Variants in BAZ2B observed in about 807,000 individuals in gnomAD.
BAZ2B encodes bromodomain adjacent to zinc finger domain protein 2B.
Under a neutral mutation model 246.0 loss-of-function variants are expected in BAZ2B, and 91 were observed. The observed-to-expected ratio is 0.37, with a 90% confidence interval of 0.31 to 0.44. The LOEUF is 0.44. BAZ2B is among the 20% of genes least tolerant of loss of function. The pLI, the probability that BAZ2B is intolerant of heterozygous loss-of-function variation, is 1.00. For synonymous variants in BAZ2B, 855 were observed against 860.0 expected (o/e 0.99, Z 0.10); for missense variants, 2,332 against 2,533.7 (o/e 0.92, Z 1.71).
chr2:159,511,440 AG>A lies in BAZ2B; in HGVS notation c.-2-32720del, dbSNP rs1479526028. Among the ~76,000 whole-genome samples, 3 of 152,304 alleles carry A rather than the reference AG, an allele frequency of 2.0e-5. No individual in the cohort carries two copies. The East Asian group carries it at 5.8e-4, about 29-fold the overall frequency. On this transcript the variant is annotated intron_variant, in intron 2 of 36. Coordinates refer to ENST00000392783, the MANE Select transcript of BAZ2B (RefSeq NM_013450.4). ...AGGCTGGTCTCAAACTCCTGAACTT[AG>A]GTGATCCACCTGCCTTGGCCACCCA...
At chr2:159,316,553 G>A (rs2062141169), downstream of BAZ2B, among the ~76,000 whole-genome samples, 1 of 151,832 alleles carries the variant, frequency 6.6e-6, no homozygotes, top group Non-Finnish European at 1.5e-5. Flanking sequence ...AGCCGGGCGT[G>A]GTGGAGGATA....
chr2:159,635,045 A>C, the BAZ2B span, among the ~76,000 whole-genome samples: 1 of 152,218 alleles, frequency 6.6e-6, no homozygotes, highest in East Asian at 1.9e-4. Context: ...TAGTATGGCT[A>C]AAGTCTAGGA....
At chr2:159,581,275 A>G (rs1419466817) in intron 1 of BAZ2B, among the ~76,000 whole-genome samples, 3 of 152,254 alleles carry the variant, frequency 2.0e-5, no homozygotes, top group Admixed American at 2.0e-4. Context: ...ACGAACAGAC[A>G]CTTCTCAAAA....
At chr2:159,685,966 T>C in the BAZ2B span, among the ~76,000 whole-genome samples, 1 of 152,056 alleles carries the variant, frequency 6.6e-6, no homozygotes, top group Admixed American at 6.5e-5. Flanking sequence ...AATTTAACAA[T>C]AAAGAATAAT....
At chr2:159,465,005 T>C (rs1337443561) in intron 3 of BAZ2B, among the ~76,000 whole-genome samples, 1 of 152,248 alleles carries the variant, frequency 6.6e-6, no homozygotes. Context: ...TTTGAAAGTA[T>C]AGACTGGGTG....
At chr2:159,608,425 T>G (rs1448320802) in intron 1 of BAZ2B, among the ~76,000 whole-genome samples, 1 of 152,180 alleles carries the variant, frequency 6.6e-6, no homozygotes, top group African/African-American at 2.4e-5. Flanking sequence ...CTCACCCTTC[T>G]TCTTTTCTAA....
intron 31 of BAZ2B, among the ~76,000 whole-genome samples, chr2:159,339,521 A>C (rs2066265913): frequency 6.6e-6 from 1 of 152,168 alleles, no homozygotes; most frequent in South Asian, 2.1e-4. Context: ...GTTCCTCAAA[A>C]ATCTAAAAAT....
chr2:159,530,088 A>G (rs1183105654), intron 2 of BAZ2B, among the ~76,000 whole-genome samples: 2 of 152,232 alleles, frequency 1.3e-5, no homozygotes, highest in Non-Finnish European at 2.9e-5. Flanking sequence ...GAAAATGCAC[A>G]GTCATTTTAG....
chr2:159,648,220 C>G, the BAZ2B span, among the ~76,000 whole-genome samples: 1 of 152,132 alleles, frequency 6.6e-6, no homozygotes, highest in Non-Finnish European at 1.5e-5. Context: ...TCACTGCAAC[C>G]TCCACTTCCC....
At chr2:159,442,778 G>T (rs558186478) in intron 6 of BAZ2B, among the ~76,000 whole-genome samples, 69 of 152,184 alleles carry the variant, frequency 4.5e-4, no homozygotes, top group African/African-American at 1.6e-3. Flanking sequence ...TTTGCATCTG[G>T]TTTACTTCAC....
chr2:159,356,580 G>T (rs959880380), intron 27 of BAZ2B, among the ~76,000 whole-genome samples: 2 of 152,304 alleles, frequency 1.3e-5, no homozygotes, highest in African/African-American at 2.4e-5. Context: ...CTGCCTGGTG[G>T]CTCTGAAGAG....
At chr2:159,606,861 T>C (rs1232685193) in intron 1 of BAZ2B, among the ~76,000 whole-genome samples, 1 of 152,064 alleles carries the variant, frequency 6.6e-6, no homozygotes, top group Non-Finnish European at 1.5e-5. Context: ...CTTTCATACA[T>C]TTGTGTTTTG....
At chr2:159,682,549 CCAGAATGGAGTG>C in the BAZ2B span, among the ~76,000 whole-genome samples, 5 of 152,098 alleles carry the variant, frequency 3.3e-5, no homozygotes, top group Non-Finnish European at 5.9e-5. Context: ...GTTCAACCAT[CCAGAATGGAGTG>C]CAGAATGGAG....
At chr2:159,403,093 A>G (rs185249126) in intron 16 of BAZ2B, among the ~76,000 whole-genome samples, 18 of 152,286 alleles carry the variant, frequency 1.2e-4, no homozygotes, top group African/African-American at 3.6e-4. Context: ...CTTAAGGACT[A>G]TCTGGTGATA....
chr2:159,315,990 A>T (rs1314946545), downstream of BAZ2B, among the ~76,000 whole-genome samples: 3 of 152,230 alleles, frequency 2.0e-5, no homozygotes, highest in African/African-American at 7.2e-5. Context: ...GAATTTAAAA[A>T]CAATAAGATT....
intron 3 of BAZ2B, among the ~76,000 whole-genome samples, chr2:159,455,762 GGTTTTTTTTTT>G (rs1421945340): frequency 7.2e-5 from 7 of 97,124 alleles, no homozygotes; most frequent in Admixed American, 4.5e-4. Context: ...GAAATATTGT[GGTTTTTTTTTT>G]TTTTTTTTTT....
chr2:159,538,315 CT>C (rs1304212484), intron 2 of BAZ2B, among the ~76,000 whole-genome samples: 1 of 152,154 alleles, frequency 6.6e-6, no homozygotes, highest in East Asian at 1.9e-4. Flanking sequence ...TTTATCATTT[CT>C]TTTAATACTC....
At chr2:159,663,376 T>G in the BAZ2B span, among the ~76,000 whole-genome samples, 1 of 151,760 alleles carries the variant, frequency 6.6e-6, no homozygotes, top group Non-Finnish European at 1.5e-5. Context: ...TAATTTTTTG[T>G]GTTTTTAGTA....
chr2:159,587,561 AATTACC>A (rs1019538374), intron 1 of BAZ2B, among the ~76,000 whole-genome samples: 2 of 152,152 alleles, frequency 1.3e-5, no homozygotes, highest in Non-Finnish European at 2.9e-5. Flanking sequence ...TTACTGACTA[AATTACC>A]AAGTTTAAGG....
Sources: gnomAD v4.1 joint callset for allele counts (sites outside exome capture counted in the v4.1 genomes callset) on GRCh38, gnomAD v4.1.1 for gene constraint, MANE v1.5 for transcripts, NCBI Gene and HGNC (gene_info 2026-07-23, HGNC 2026-07-21) for gene names.